The following CDON variants were observed in gnomAD, a reference collection of about 807,000 sequenced individuals.
The protein encoded by CDON is cell adhesion associated, oncogene regulated.
In CDON, 73 loss-of-function variants were observed where a neutral mutation model predicts 120.9. The observed-to-expected ratio is 0.60, with a 90% CI of 0.50 to 0.73. The LOEUF is 0.73. Among genes scored for constraint, CDON ranks in the 30% least tolerant of loss-of-function variants. The pLI is 0.00. For synonymous variants in CDON, 566 were observed against 573.5 expected (o/e 0.99, Z 0.19); for missense variants, 1,470 against 1,587.3 (o/e 0.93, Z 1.26).
At chr11:126,030,069 GCTTT>G (rs1203479103) in intron 1 of CDON, among the ~76,000 whole-genome samples, 1 of 152,086 alleles carries the variant, frequency 6.6e-6, no homozygotes, top group East Asian at 1.9e-4. Context: ...AAGTTATAAG[GCTTT>G]CTTTAAGCCT....
In CDON at chr11:125,956,867, A is replaced by G. The variant is rs1217884504; in HGVS notation, c.*4075T>C. 5 of 985,682 alleles carry G rather than the reference A, an allele frequency of 5.1e-6. No homozygotes were observed. Among genetic ancestry groups the G allele is most frequent in the African/African-American group, 1.7e-5 (1 of 57,200 alleles). The allele number at this position is 985,682 out of a possible 1,614,324, so 61.1% of individuals were successfully genotyped here. On this transcript the variant is annotated 3_prime_UTR_variant, in exon 20 of 20. Coordinates refer to ENST00000531738, the MANE Select transcript of CDON (RefSeq NM_001378964.1). ...CTTTATTAGATAAGGGGTTTCGGCT[A>G]CCCTCAAAGCTCTCAGGACTGGGGC...
intron 18 of CDON, among the ~76,000 whole-genome samples, chr11:125,974,675 C>G (rs1047544926): frequency 7.9e-5 from 12 of 152,004 alleles, no homozygotes; most frequent in Non-Finnish European, 1.5e-4. Flanking sequence ...TTTTTAAGTT[C>G]TATTACTTGG....
intron 1 of CDON, among the ~76,000 whole-genome samples, chr11:126,030,776 A>G (rs764234243): frequency 3.9e-5 from 6 of 152,230 alleles, no homozygotes; most frequent in Non-Finnish European, 7.3e-5. Flanking sequence ...AATATAGTAT[A>G]TACTGTTTTT....
chr11:126,020,341 C>T (rs1398706414), intron 3 of CDON, among the ~76,000 whole-genome samples: 1 of 151,966 alleles, frequency 6.6e-6, no homozygotes, highest in African/African-American at 2.4e-5. Context: ...CCTAGGACAT[C>T]AAAAAAATAA....
intron 16 of CDON, 33 bp downstream of exon 16, chr11:125,983,838 GA>G (rs1243033323): frequency 2.7e-6 from 4 of 1,486,238 alleles, no homozygotes. Flanking sequence ...CCCACCTTTA[GA>G]AAAAGAGAAG....
chr11:125,975,832 T>G (rs950725753), intron 18 of CDON, among the ~76,000 whole-genome samples: 1 of 152,222 alleles, frequency 6.6e-6, no homozygotes, highest in Non-Finnish European at 1.5e-5. Flanking sequence ...ATGACTGTTC[T>G]TACATTCCTT....
At chr11:126,031,056 C>T (rs916779666) in intron 1 of CDON, among the ~76,000 whole-genome samples, 2 of 152,070 alleles carry the variant, frequency 1.3e-5, no homozygotes, top group African/African-American at 4.8e-5. Context: ...TAATTATCTC[C>T]AGAATAAAGA....
At chr11:126,009,760 TAA>T (rs1290685872) in intron 8 of CDON, among the ~76,000 whole-genome samples, 7 of 152,242 alleles carry the variant, frequency 4.6e-5, no homozygotes, top group African/African-American at 1.7e-4. Context: ...GAATTTGAAT[TAA>T]GTCAAGTTTG....
intron 1 of CDON, among the ~76,000 whole-genome samples, chr11:126,040,722 G>A (rs1384912762): frequency 6.7e-6 from 1 of 148,734 alleles, no homozygotes; most frequent in East Asian, 2.0e-4. Context: ...GGCTGAGGCA[G>A]GAGAATGGCG....
At chr11:125,992,353 A>AAATAGGCTTTAAG (rs1946654820) in intron 14 of CDON, among the ~76,000 whole-genome samples, 1 of 152,196 alleles carries the variant, frequency 6.6e-6, no homozygotes, top group South Asian at 2.1e-4. Flanking sequence ...TTCTTTTTAA[A>AAATAGGCTTTAAG]AATAGGCTTT....
At chr11:126,028,707 A>AATTAATTT (rs1555132928) in intron 1 of CDON, among the ~76,000 whole-genome samples, 14 of 145,820 alleles carry the variant, frequency 9.6e-5, no homozygotes, top group Non-Finnish European at 1.5e-4. Flanking sequence ...AGCTGCGGAG[A>AATTAATTT]ATTTATTTAT....
Position 125,960,909 on chromosome 11 carries a change from G to A in CDON, c.*33C>T, listed in dbSNP as rs776554505. 1 of 1,610,316 alleles carries A rather than the reference G, an allele frequency of 6.2e-7. No homozygotes were observed. The stretch of plus-strand genomic sequence containing the variant: ...GCCTGTTGTGTGCAGTTACCGGCTT[G>A]AAGTTGGAACATGACTGGTTGTTTG... On this transcript the variant is annotated 3_prime_UTR_variant, in exon 20 of 20. Transcript: ENST00000531738.
rs1396258041 is a variant in CDON, at chr11:125,961,991, T to C, written c.3364A>G (p.Thr1122Ala). 1.2e-6 allele frequency: 2 copies of C among 1,613,952 alleles called. No homozygotes were observed. The highest frequency in any genetic ancestry group is 2.2e-5 in the South Asian group (2 of 91,064). ...RNCRNNNRCF[T>A]KTNSTFSSSP... ...CTGCTGAAAGTGCTGTTGGTTTTGG[T>C]GAAACACCTGCAGAGGTTAAACCAA... The change falls in exon 19 of 20, where the codon ACC becomes GCC. Residue 1122 changes from threonine (T) to alanine (A), a missense_variant. By Grantham distance (58) the Thr-to-Ala change is moderately conservative. Transcript: ENST00000531738.
intron 4 of CDON, among the ~76,000 whole-genome samples, 155 bp downstream of exon 4, chr11:126,019,464 C>A (rs187639081): frequency 1.7e-4 from 26 of 152,124 alleles, no homozygotes; most frequent in Admixed American, 2.0e-4. Flanking sequence ...GGTATGGGGC[C>A]GTAATTATTT....
At chr11:125,993,264 G>A (rs1423438773) in intron 14 of CDON, among the ~76,000 whole-genome samples, 1 of 152,070 alleles carries the variant, frequency 6.6e-6, no homozygotes, top group Non-Finnish European at 1.5e-5. Flanking sequence ...GTAGGGGCTG[G>A]ACATAGCAGT....
At chr11:125,977,425 T>A (rs1946178134) in intron 18 of CDON, among the ~76,000 whole-genome samples, 1 of 152,220 alleles carries the variant, frequency 6.6e-6, no homozygotes, top group Non-Finnish European at 1.5e-5. Context: ...AACCTGTTAA[T>A]CCATTTTAAA....
At chr11:126,011,104 T>C (rs1347208763) in intron 7 of CDON, among the ~76,000 whole-genome samples, 3 of 151,704 alleles carry the variant, frequency 2.0e-5, no homozygotes, top group African/African-American at 4.8e-5. Context: ...TTTTGTGGGG[T>C]AGGGTGGGAA....
intron 18 of CDON, among the ~76,000 whole-genome samples, chr11:125,973,018 C>CTTTTTTTTTTTTTTT (rs35828939): frequency 0.015 from 1,293 of 86,984 alleles, 123 homozygotes; most frequent in South Asian, 0.024. Context: ...ATTACTTGGT[C>CTTTTTTTTTTTTTTT]TTTTTTTTTT....
At chr11:126,040,732 G>A (rs1361053687) in intron 1 of CDON, among the ~76,000 whole-genome samples, 4 of 146,102 alleles carry the variant, frequency 2.7e-5, no homozygotes, top group Non-Finnish European at 4.5e-5. Context: ...GGAGAATGGC[G>A]TGAACCCGGG....
Sources: gnomAD v4.1 joint callset for allele counts (sites outside exome capture counted in the v4.1 genomes callset) on GRCh38, gnomAD v4.1.1 for gene constraint, MANE v1.5 for transcripts, NCBI Gene and HGNC (gene_info 2026-07-23, HGNC 2026-07-21) for gene names.